The following GNPTAB variants were observed in gnomAD, a reference collection of about 807,000 sequenced individuals.
GNPTAB encodes N-acetylglucosamine-1-phosphate transferase subunits alpha and beta.
Under a neutral mutation model 136.6 loss-of-function variants are expected in GNPTAB, and 92 were observed. That is an observed-to-expected ratio of 0.67 (90% CI 0.57 to 0.80). The LOEUF (loss-of-function observed/expected upper bound fraction) is 0.80, where lower values mean the gene tolerates loss of function less well. Among genes scored for constraint, GNPTAB ranks in the 30% least tolerant of loss-of-function variants. The pLI is 0.00. For missense variants in GNPTAB, 1,343 were observed against 1,501.8 expected (o/e 0.89, Z 1.75); for synonymous variants, 512 against 535.1 (o/e 0.96, Z 0.60).
At chr12:101,810,414 T>TACAC (rs1392501875) in intron 1 of GNPTAB, 11 of 131,052 alleles carry the variant, frequency 8.4e-5, no homozygotes, top group East Asian at 2.1e-4. Flanking sequence ...TATATATATA[T>TACAC]ATATATATAC....
At chr12:101,747,817 G>C (rs974327079) in intron 20 of GNPTAB, among the ~76,000 whole-genome samples, 1 of 111,612 alleles carries the variant, frequency 9.0e-6, no homozygotes, top group Non-Finnish European at 2.0e-5. Context: ...AGAGAGCAGA[G>C]TGTTGGGATT....
At chr12:101,779,916 T>A in intron 7 of GNPTAB, 2 of 546,720 alleles carry the variant, frequency 3.7e-6, no homozygotes, top group Admixed American at 6.2e-5. Flanking sequence ...TTGTAGGAGC[T>A]CATCTGTTAA....
intron 7 of GNPTAB, chr12:101,773,213 GT>G: frequency 4.4e-6 from 1 of 227,140 alleles, no homozygotes; most frequent in South Asian, 4.5e-5. Flanking sequence ...CTGTGCTTAT[GT>G]TTTCCTCCAC....
At chr12:101,756,500 C>T (rs541407075) in intron 18 of GNPTAB, 6 of 395,308 alleles carry the variant, frequency 1.5e-5, no homozygotes, top group East Asian at 2.0e-4. Flanking sequence ...CTTGAGCCCA[C>T]GAGGTCGAGG....
intron 3 of GNPTAB, 136 bp downstream of exon 3, chr12:101,789,801 AT>A (rs1385324870): frequency 1.1e-6 from 1 of 947,250 alleles, no homozygotes; most frequent in Non-Finnish European, 1.7e-6. Flanking sequence ...TTTTTTAAAA[AT>A]CAGTTTTACC....
intron 7 of GNPTAB, among the ~76,000 whole-genome samples, chr12:101,775,345 A>G (rs1434052805): frequency 6.6e-6 from 1 of 150,502 alleles, no homozygotes; most frequent in Admixed American, 6.7e-5. Flanking sequence ...AACAATTCAA[A>G]GCTATTAGAT....
intron 1 of GNPTAB, among the ~76,000 whole-genome samples, chr12:101,806,303 C>T (rs991138938): frequency 6.6e-6 from 1 of 152,042 alleles, no homozygotes; most frequent in Non-Finnish European, 1.5e-5. Context: ...AAAATAACAA[C>T]AAGAAACAAA....
At chr12:101,808,286 T>C (rs1870036460) in intron 1 of GNPTAB, among the ~76,000 whole-genome samples, 1 of 150,916 alleles carries the variant, frequency 6.6e-6, no homozygotes, top group Admixed American at 6.6e-5. Flanking sequence ...TGGCTGGGCA[T>C]GGTGGCTTAT....
intron 16 of GNPTAB, among the ~76,000 whole-genome samples, chr12:101,759,549 A>C (rs1344275456): frequency 6.6e-6 from 1 of 152,130 alleles, no homozygotes; most frequent in Non-Finnish European, 1.5e-5. Context: ...CTGAAACTAA[A>C]ATGTCTCTTA....
chr12:101,819,798 C>A (rs1447693042), intron 1 of GNPTAB, among the ~76,000 whole-genome samples: 3 of 152,074 alleles, frequency 2.0e-5, no homozygotes, highest in Non-Finnish European at 2.9e-5. Context: ...AAAGATATAT[C>A]ATGAATATAT....
chr12:101,761,516 C>T (rs1952994366), intron 14 of GNPTAB, 48 bp downstream of exon 14: 2 of 1,541,806 alleles, frequency 1.3e-6, no homozygotes, highest in South Asian at 1.1e-5. Flanking sequence ...TTTCAAGTAG[C>T]CTTAGTTCTG....
At chr12:101,798,492 C>T (rs527376593) in intron 1 of GNPTAB, among the ~76,000 whole-genome samples, 23 of 152,296 alleles carry the variant, frequency 1.5e-4, no homozygotes, top group African/African-American at 5.5e-4. Flanking sequence ...GGAAGCTGCA[C>T]CTACCACTTC....
intron 5 of GNPTAB, among the ~76,000 whole-genome samples, chr12:101,784,429 C>T (rs901813812): frequency 4.6e-5 from 7 of 152,072 alleles, no homozygotes; most frequent in Non-Finnish European, 1.5e-5. Flanking sequence ...GCAATTAGAG[C>T]TGAATCCCAA....
intron 4 of GNPTAB, among the ~76,000 whole-genome samples, chr12:101,786,443 A>G (rs1868655061): frequency 6.6e-6 from 1 of 152,216 alleles, no homozygotes; most frequent in South Asian, 2.1e-4. Context: ...ACTCCCATTA[A>G]TAAGATCCCC....
At chr12:101,807,687 C>T (rs562650991) in intron 1 of GNPTAB, among the ~76,000 whole-genome samples, 2 of 152,224 alleles carry the variant, frequency 1.3e-5, no homozygotes, top group African/African-American at 4.8e-5. Context: ...CCCAGCACTT[C>T]TGGAGGCCCA....
rs1953001354 is a variant in GNPTAB, at chr12:101,761,766, GAA to G, written c.2716-5_2716-4del. The G allele has an allele frequency of 1.9e-6, 3 of 1,602,676 alleles. No individual in the cohort carries two copies. Among genetic ancestry groups the G allele is most frequent in the Middle Eastern group, 3.3e-4 (2 of 6,042 alleles). ...TGTGTCTTCAATGACTCTTCTTCCT[GAA>G]AAGAGAATTCTACATGTAACTCAGC... is the stretch of plus-strand genomic sequence containing the variant. On this transcript the variant is annotated splice_polypyrimidine_tract_variant and splice_region_variant and intron_variant, in intron 13 of 20. Coordinates refer to ENST00000299314, the MANE Select transcript of GNPTAB (RefSeq NM_024312.5).
intron 1 of GNPTAB, 66 bp downstream of exon 1, chr12:101,830,493 C>A: frequency 1.2e-6 from 1 of 863,378 alleles, no homozygotes; most frequent in Non-Finnish European, 2.0e-6. Flanking sequence ...ATCGGGGCAT[C>A]GCGGGGCACG....
chr12:101,806,557 A>G (rs66507165), intron 1 of GNPTAB, among the ~76,000 whole-genome samples: 41,708 of 152,058 alleles, frequency 0.27, 6,097 homozygotes, highest in African/African-American at 0.37. Flanking sequence ...AAAATGGCAA[A>G]TTTTATGTTA....
chr12:101,780,577 T>C lies in GNPTAB; in HGVS notation c.616A>G (p.Thr206Ala). ...SGLLKGNSRQ[T>A]VWRGYLTTDK... The stretch of plus-strand genomic sequence containing the variant: ...CATACCAAGTAGCCCCTCCATACTG[T>C]CTGTCTGCTATTTCCTTTAAGCAGT... The change falls in exon 6 of 21, where the codon ACA (threonine) becomes GCA (alanine). Residue 206 changes from threonine (T) to alanine (A), a missense_variant. Physicochemically the swap from Thr to Ala is moderately conservative, Grantham distance 58. Coordinates refer to ENST00000299314, the MANE Select transcript of GNPTAB (RefSeq NM_024312.5). The C allele has an allele frequency of 1.2e-6, 2 of 1,610,776 alleles. No homozygotes were observed. The highest frequency in any genetic ancestry group is 1.7e-6 in the Non-Finnish European group (2 of 1,177,340).
Sources: gnomAD v4.1 joint callset for allele counts (sites outside exome capture counted in the v4.1 genomes callset) on GRCh38, gnomAD v4.1.1 for gene constraint, MANE v1.5 for transcripts, NCBI Gene and HGNC (gene_info 2026-07-23, HGNC 2026-07-21) for gene names.